The following DLGAP2 variants were observed in gnomAD, a reference collection of about 807,000 sequenced individuals.
The protein encoded by DLGAP2 is DLG associated protein 2, also known as disks large-associated protein 2.
Under a neutral mutation model 100.3 loss-of-function variants are expected in DLGAP2, and 26 were observed. That is an observed-to-expected ratio of 0.26 (90% CI 0.19 to 0.36). The LOEUF (loss-of-function observed/expected upper bound fraction) is 0.36, where lower values mean the gene tolerates loss of function less well. Among genes scored for constraint, DLGAP2 ranks in the 10% least tolerant of loss-of-function variants. The pLI is 1.00. For missense variants in DLGAP2, 1,858 were observed against 1,453.2 expected (o/e 1.28, Z -4.53); for synonymous variants, 886 against 630.1 (o/e 1.41, Z -6.08).
chr8:1,472,081 G>C (rs1563169280), intron 3 of DLGAP2, among the ~76,000 whole-genome samples: 1 of 152,252 alleles, frequency 6.6e-6, no homozygotes, highest in Admixed American at 6.5e-5. Context: ...TTGAGCGTGG[G>C]AGTGAGACAG....
chr8:1,689,929 G>A lies in DLGAP2; in HGVS notation c.2705-1606G>A, dbSNP rs536462888. ...GCTCTGGCAAATAATATCCAGCAGA[G>A]ATCAGTGGGCCCAGGGTGCACTGGT... On this transcript the variant is annotated intron_variant, in intron 12 of 14. Transcript: ENST00000637795. 1.1e-3 allele frequency among the ~76,000 whole-genome samples: 164 copies of A among 152,356 alleles called. 2 individuals are homozygous for A. The highest frequency in any genetic ancestry group is 2.0e-3 in the Non-Finnish European group (133 of 68,036).
chr8:1,367,366 A>G (rs541098107), intron 3 of DLGAP2, among the ~76,000 whole-genome samples: 21 of 152,340 alleles, frequency 1.4e-4, no homozygotes, highest in African/African-American at 4.8e-4. Context: ...ATTCTGCTGA[A>G]AACTTGTTCC....
At chr8:1,563,892 A>T (rs1157461997) in intron 5 of DLGAP2, among the ~76,000 whole-genome samples, 1 of 152,188 alleles carries the variant, frequency 6.6e-6, no homozygotes, top group Non-Finnish European at 1.5e-5. Flanking sequence ...TCCTTTTCTG[A>T]TGATATAAGT....
At chr8:866,517 C>G (rs1165355076) in intron 1 of DLGAP2, among the ~76,000 whole-genome samples, 1 of 152,156 alleles carries the variant, frequency 6.6e-6, no homozygotes, top group East Asian at 1.9e-4. Flanking sequence ...GGTAAACTCA[C>G]TTCTCGAGGG....
At chr8:1,182,118 C>G (rs1585129052) in intron 2 of DLGAP2, among the ~76,000 whole-genome samples, 1 of 152,244 alleles carries the variant, frequency 6.6e-6, no homozygotes, top group Non-Finnish European at 1.5e-5. Context: ...ACAGCGTCTC[C>G]TCCGTGTTCT....
chr8:1,045,104 C>T (rs545538015), intron 2 of DLGAP2, among the ~76,000 whole-genome samples: 1 of 152,330 alleles, frequency 6.6e-6, no homozygotes, highest in South Asian at 2.1e-4. Flanking sequence ...CCGGTCCATT[C>T]CCTGAACCAC....
chr8:1,329,955 C>G (rs1014171627), intron 3 of DLGAP2, among the ~76,000 whole-genome samples: 1 of 152,258 alleles, frequency 6.6e-6, no homozygotes, highest in Non-Finnish European at 1.5e-5. Context: ...TTCCTCTCCC[C>G]ATCCGATTCA....
Position 989,020 on chromosome 8 carries a change from CT to C in DLGAP2, c.73+81056del, listed in dbSNP as rs1262575894. Among the ~76,000 whole-genome samples, 6 of 152,356 alleles carry C rather than the reference CT, an allele frequency of 3.9e-5. No homozygotes were observed. In the East Asian group the frequency reaches 1.2e-3, roughly 29 times the overall value. On this transcript the variant is annotated intron_variant, in intron 2 of 14. Transcript: ENST00000637795. ...TGCCTCCGCTCGCGGCTCCCTGGACCTTGTCTCTGCTGTCGAGGGCTCTCCA... is the reference window on the plus strand; with the variant it reads ...TGCCTCCGCTCGCGGCTCCCTGGACCTGTCTCTGCTGTCGAGGGCTCTCCA...
Position 1,065,098 on chromosome 8 carries a change from C to T in DLGAP2, c.73+157132C>T, listed in dbSNP as rs137872311. 4.0e-3 allele frequency among the ~76,000 whole-genome samples: 605 copies of T among 152,306 alleles called. 3 individuals are homozygous for T. The highest frequency in any genetic ancestry group is 0.011 in the African/African-American group (439 of 41,572). On this transcript the variant is annotated intron_variant, in intron 2 of 14. Coordinates refer to ENST00000637795, the MANE Select transcript of DLGAP2 (RefSeq NM_001346810.2). ...GGATTTCTGAGAAAATATGTCTCCA[C>T]GCACCAGGGCGCCTGCCTTTATTCA...
chr8:1,184,821 C>T (rs532368204), intron 2 of DLGAP2, among the ~76,000 whole-genome samples: 14 of 152,274 alleles, frequency 9.2e-5, no homozygotes, highest in African/African-American at 2.4e-4. Flanking sequence ...AAGTGCTCTG[C>T]GCACGTTGCA....
chr8:1,357,761 T>C (rs1369877732), intron 3 of DLGAP2, among the ~76,000 whole-genome samples: 2 of 152,216 alleles, frequency 1.3e-5, no homozygotes, highest in Non-Finnish European at 2.9e-5. Context: ...TGTTCTGCTG[T>C]GGTTCTGAGC....
At chr8:856,164 T>G (rs1404387339) in intron 1 of DLGAP2, among the ~76,000 whole-genome samples, 1 of 132,800 alleles carries the variant, frequency 7.5e-6, no homozygotes, top group Non-Finnish European at 1.7e-5. Flanking sequence ...GAAGAATTAG[T>G]GGAAAAATCT....
At chr8:1,266,639 G>A (rs976213825) in intron 3 of DLGAP2, among the ~76,000 whole-genome samples, 2 of 152,136 alleles carry the variant, frequency 1.3e-5, no homozygotes, top group Non-Finnish European at 2.9e-5. Context: ...TCTGTTCTCA[G>A]TCACCACGCA....
At chr8:822,533 G>A (rs777338967) in intron 1 of DLGAP2, among the ~76,000 whole-genome samples, 7 of 152,168 alleles carry the variant, frequency 4.6e-5, no homozygotes, top group Non-Finnish European at 8.8e-5. Flanking sequence ...TGAGAAATTC[G>A]GGAGGCCTGA....
chr8:1,224,133 T>C (rs1165728629), intron 2 of DLGAP2, among the ~76,000 whole-genome samples: 1 of 152,182 alleles, frequency 6.6e-6, no homozygotes, highest in Non-Finnish European at 1.5e-5. Context: ...AGATAGGTTT[T>C]CTCCTCTCAA....
chr8:1,051,404 T>G (rs949201515), intron 2 of DLGAP2, among the ~76,000 whole-genome samples: 1 of 152,054 alleles, frequency 6.6e-6, no homozygotes, highest in Non-Finnish European at 1.5e-5. Context: ...TACCGTCAGC[T>G]GTTTACCCTC....
At chr8:1,120,727 T>G (rs1303585401) in intron 2 of DLGAP2, among the ~76,000 whole-genome samples, 1 of 151,978 alleles carries the variant, frequency 6.6e-6, no homozygotes, top group Non-Finnish European at 1.5e-5. Context: ...ATTCTAGACT[T>G]TGCAGAACCC....
chr8:1,308,892 T>C (rs530659895), intron 3 of DLGAP2, among the ~76,000 whole-genome samples: 3 of 152,106 alleles, frequency 2.0e-5, no homozygotes, highest in African/African-American at 7.2e-5. Flanking sequence ...AAACAATGTA[T>C]GAAGAAAATT....
intron 2 of DLGAP2, among the ~76,000 whole-genome samples, chr8:1,164,715 CTT>C (rs1289490190): frequency 1.3e-5 from 2 of 152,140 alleles, no homozygotes; most frequent in Non-Finnish European, 2.9e-5. Context: ...TGAAGTTTGT[CTT>C]TCTGACTCCT....
Sources: gnomAD v4.1 joint callset for allele counts (sites outside exome capture counted in the v4.1 genomes callset) on GRCh38, gnomAD v4.1.1 for gene constraint, MANE v1.5 for transcripts, NCBI Gene and HGNC (gene_info 2026-07-23, HGNC 2026-07-21) for gene names.